The following RIPK1 variants were observed in gnomAD, a reference collection of about 807,000 sequenced individuals.
RIPK1 encodes receptor interacting serine/threonine kinase 1.
In RIPK1, 27 loss-of-function variants were observed where a neutral mutation model predicts 62.4. The ratio of observed to expected loss-of-function variants is 0.43; its 90% CI spans 0.32 to 0.60. The LOEUF (loss-of-function observed/expected upper bound fraction) is 0.60, where lower values mean the gene tolerates loss of function less well. Ranked by LOEUF, RIPK1 falls within the 20% of genes least tolerant of loss-of-function variation. The probability of loss-of-function intolerance (pLI) is 0.07; values close to 1 mark genes in which losing one functional copy is unlikely to be tolerated. For synonymous variants in RIPK1, 287 were observed against 303.2 expected, an observed-to-expected ratio of 0.95 and a Z score of 0.55; for missense variants, 735 against 831.0, an observed-to-expected ratio of 0.88 and a Z score of 1.42.
chr6:3,077,985 G>C, intron 3 of RIPK1, 50 bp downstream of exon 3: 1 of 1,587,050 alleles, frequency 6.3e-7, no homozygotes, highest in Non-Finnish European at 8.6e-7. Context: ...GGCCCTGGCT[G>C]TCTGTTATGG....
chr6:3,067,229 T>C (rs981775056), upstream of RIPK1, among the ~76,000 whole-genome samples: 10 of 152,048 alleles, frequency 6.6e-5, no homozygotes, highest in African/African-American at 2.4e-4. Context: ...CAGGTGTTTG[T>C]ATGGGCATAA....
chr6:3,079,368 G>A (rs767333557), intron 3 of RIPK1, among the ~76,000 whole-genome samples: 5 of 152,302 alleles, frequency 3.3e-5, no homozygotes, highest in South Asian at 2.1e-4. Flanking sequence ...ATGAGCCACC[G>A]TTCCCAGCTG....
At chr6:3,075,779 C>T (rs115437181) in intron 1 of RIPK1, among the ~76,000 whole-genome samples, 2,016 of 152,050 alleles carry the variant, frequency 0.013, 14 homozygotes, top group Middle Eastern at 0.028. Flanking sequence ...TTAGGCGATC[C>T]TCTCAATTCA....
Position 3,083,303 on chromosome 6 carries a change from G to A in RIPK1, c.678G>A (p.Glu226=). ...VVLWAIFANK[E]PYENAICEQQ... Reference sequence around the variant, plus strand: ...TCTGGGCGATATTTGCAAATAAGGAGCCATATGAAAGTAAGGCATTACTTA... The same window carrying A: ...TCTGGGCGATATTTGCAAATAAGGAACCATATGAAAGTAAGGCATTACTTA... Residue 226 remains glutamate, a synonymous_variant, in exon 5 of 11, where the codon GAG becomes GAA. Coordinates refer to ENST00000259808, the MANE Select transcript of RIPK1 (RefSeq NM_001354930.2). 6.2e-7 allele frequency: 1 copy of A among 1,612,468 alleles called. No homozygotes were observed. The highest frequency in any genetic ancestry group is 8.5e-7 in the Non-Finnish European group (1 of 1,179,816).
In RIPK1 at chr6:3,105,651, C is replaced by T. The variant is rs1364405967; in HGVS notation, c.1176C>T (p.Asp392=). 1 of 1,613,844 alleles carries T rather than the reference C, an allele frequency of 6.2e-7. No individual in the cohort carries two copies. Among genetic ancestry groups the T allele is most frequent in the Non-Finnish European group, 8.5e-7 (1 of 1,179,898 alleles). ...ANYHLYGSRM[D]RQTKQQPRQN... ...ACCATCTTTATGGCAGCCGCATGGACAGGCAGACGAAACAGCAGCCCAGAC... is the reference window on the plus strand; with the variant it reads ...ACCATCTTTATGGCAGCCGCATGGATAGGCAGACGAAACAGCAGCCCAGAC... The change falls in exon 9 of 11, where the codon GAC becomes GAT. Residue 392 remains aspartate, a synonymous_variant. Transcript: ENST00000259808. This position sits in a 1 kb window ranked among gnomAD's most constrained non-coding sequence, Gnocchi z 4.5.
chr6:3,083,897 C>T lies in RIPK1; in HGVS notation c.688+584C>T, dbSNP rs115698456. Among the ~76,000 whole-genome samples, 881 of 152,226 alleles carry T rather than the reference C, an allele frequency of 5.8e-3. 7 individuals carry two copies. Among genetic ancestry groups the T allele is most frequent in the African/African-American group, 0.02 (851 of 41,536 alleles). ...ACCAGAGGAACCTCCAAAGCAGCAT[C>T]CCCCAAACACATCCTGTCGACACTG... On this transcript the variant is annotated intron_variant, in intron 5 of 10. Coordinates refer to ENST00000259808, the MANE Select transcript of RIPK1 (RefSeq NM_001354930.2).
At chr6:3,095,804 C>G in intron 7 of RIPK1, among the ~76,000 whole-genome samples, 1 of 150,440 alleles carries the variant, frequency 6.6e-6, no homozygotes, top group Non-Finnish European at 1.5e-5. Flanking sequence ...TATCTTGAAA[C>G]GAACAGAAGT....
intron 7 of RIPK1, among the ~76,000 whole-genome samples, chr6:3,097,063 GT>G (rs1554115903): frequency 6.6e-6 from 1 of 151,928 alleles, no homozygotes; most frequent in Non-Finnish European, 1.5e-5. Flanking sequence ...TAGACATGGG[GT>G]TTCACTATGT....
chr6:3,068,926 G>A lies in RIPK1; in HGVS notation c.-61+265G>A, dbSNP rs563474986. On this transcript the variant is annotated intron_variant, in intron 1 of 10. Transcript: ENST00000259808. The stretch of plus-strand genomic sequence containing the variant: ...TCCCGGAAGGAGAGGGACTCTGCCC[G>A]GGGTGCGCGCGGCGGGCGGGCCCCG... The A allele has an allele frequency of 6.4e-3, 985 of 155,034 alleles. 10 individuals carry two copies. The highest frequency in any genetic ancestry group is 0.023 in the African/African-American group (942 of 41,538). The allele number at this position is 155,034 out of a possible 1,614,324, so 9.6% of individuals were successfully genotyped here. A position where few individuals can be genotyped will look rare whatever the true frequency, so the allele number is the denominator to read the frequency against.
At position 3,076,503 on chromosome 6, in the gene RIPK1, C is replaced by A. The variant is rs149760051; in HGVS notation, c.-60-261C>A. 4.5e-3 allele frequency among the ~76,000 whole-genome samples: 688 copies of A among 151,290 alleles called. 8 individuals are homozygous for A. The highest frequency in any genetic ancestry group is 0.016 in the African/African-American group (651 of 41,140). On this transcript the variant is annotated intron_variant, in intron 1 of 10. Transcript: ENST00000259808. ...GGCAACATAGTGAGATCCCCCGGCCCCCCCATCTCTACAAATAATTAAAAA... is the reference window on the plus strand; with the variant it reads ...GGCAACATAGTGAGATCCCCCGGCCACCCCATCTCTACAAATAATTAAAAA...
At chr6:3,081,934 G>C (rs1253830625) in intron 4 of RIPK1, among the ~76,000 whole-genome samples, 2 of 121,940 alleles carry the variant, frequency 1.6e-5, no homozygotes, top group African/African-American at 6.0e-5. Flanking sequence ...CCTCTACTTT[G>C]AAATTTTGTT....
In RIPK1 at chr6:3,110,750, T is replaced by C; in HGVS notation, c.1577-53T>C. 6.4e-6 allele frequency: 8 copies of C among 1,245,414 alleles called. No individual in the cohort carries two copies. In the South Asian group the frequency reaches 9.7e-5, roughly 15 times the overall value. The allele number at this position is 1,245,414 out of a possible 1,614,324, so 77.1% of individuals were successfully genotyped here. A position where few individuals can be genotyped will look rare whatever the true frequency, so the allele number is the denominator to read the frequency against. ...CTGCTTTTTTGCCATGCTGTATTTT[T>C]TTCTCTTGCTTTTGATCTAGAATTA... On this transcript the variant is annotated intron_variant, in intron 9 of 10. Coordinates refer to ENST00000259808, the MANE Select transcript of RIPK1 (RefSeq NM_001354930.2).
chr6:3,073,840 A>G (rs1387716625), intron 1 of RIPK1, among the ~76,000 whole-genome samples: 2 of 152,100 alleles, frequency 1.3e-5, no homozygotes, highest in South Asian at 2.1e-4. Flanking sequence ...CTGCCCTCCA[A>G]CATTTTATTA....
intron 4 of RIPK1, 134 bp downstream of exon 4, chr6:3,081,250 A>G: frequency 2.0e-6 from 2 of 992,516 alleles, no homozygotes; most frequent in Non-Finnish European, 1.5e-6. Context: ...GATGGTGCCG[A>G]AAGGCTCTAC....
chr6:3,113,046 T>C lies in RIPK1; in HGVS notation c.1730-7T>C. On this transcript the variant is annotated splice_polypyrimidine_tract_variant and splice_region_variant and intron_variant, in intron 10 of 10. Transcript: ENST00000259808. This position sits in a 1 kb window ranked among gnomAD's most constrained non-coding sequence, Gnocchi z 5.0. The stretch of plus-strand genomic sequence containing the variant: ...CTTGATACCTTCTTCTTTTTCCCAT[T>C]TGGCAGATAATACCACTAGTCTGAC... The C allele has an allele frequency of 6.6e-7, 1 of 1,521,790 alleles. No homozygotes were observed. Among genetic ancestry groups the C allele is most frequent in the Non-Finnish European group, 8.8e-7 (1 of 1,135,174 alleles). The allele number at this position is 1,521,790 out of a possible 1,614,324, so 94.3% of individuals were successfully genotyped here.
At chr6:3,068,261 T>C, upstream of RIPK1, 1 of 985,530 alleles carries the variant, frequency 1.0e-6, no homozygotes, top group Non-Finnish European at 1.2e-6. Context: ...CCCGCTGTAA[T>C]CCACCCAGTG....
intron 6 of RIPK1, among the ~76,000 whole-genome samples, chr6:3,088,505 C>T (rs17548436): frequency 2.1e-3 from 318 of 152,336 alleles, no homozygotes; most frequent in African/African-American, 7.2e-3. Context: ...GGAGTGGAGG[C>T]GCTCATTATC....
upstream of RIPK1, among the ~76,000 whole-genome samples, chr6:3,067,829 A>C (rs1581367478): frequency 6.8e-6 from 1 of 147,658 alleles, no homozygotes; most frequent in African/African-American, 2.5e-5. Flanking sequence ...TACAATCTCC[A>C]CCTCCCAGGT....
chr6:3,077,097 G>T, intron 2 of RIPK1, 110 bp downstream of exon 2: 1 of 999,142 alleles, frequency 1.0e-6, no homozygotes, highest in Non-Finnish European at 1.4e-6. Context: ...GTGAGAGGGA[G>T]CCTGCCAAGA....
Sources: gnomAD v4.1 joint callset for allele counts (sites outside exome capture counted in the v4.1 genomes callset) on GRCh38, gnomAD v4.1.1 for gene constraint, Gnocchi (gnomAD v3.1) non-coding constraint, MANE v1.5 for transcripts, NCBI Gene and HGNC (gene_info 2026-07-23, HGNC 2026-07-21) for gene names.